PGR: variants seen among roughly 807,000 people sequenced by gnomAD.
PGR encodes the protein nuclear receptor subfamily 3 group C member 3.
PGR carries 25 observed loss-of-function variants against 76.1 expected under a neutral mutation model. The ratio of observed to expected loss-of-function variants is 0.33; its 90% CI spans 0.24 to 0.46. PGR has a LOEUF of 0.46. Among genes scored for constraint, PGR ranks in the 20% least tolerant of loss-of-function variants. The pLI is 1.00. For missense variants in PGR, 1,172 were observed against 1,225.3 expected, an observed-to-expected ratio of 0.96 and a Z score of 0.65; for synonymous variants, 579 against 535.0, an observed-to-expected ratio of 1.08 and a Z score of -1.14.
chr11:101,076,331 A>AG (rs1020936353), intron 3 of PGR, among the ~76,000 whole-genome samples: 38 of 151,926 alleles, frequency 2.5e-4, no homozygotes, highest in Non-Finnish European at 4.9e-4. Context: ...TGGGGGGCTA[A>AG]GGGAGGGATA....
rs1591361636 is a variant in PGR at position 101,035,695 on chromosome 11, C to T, written c.*3421G>A. ...ATGTCTACAATGGAAGAGTGATAGG[C>T]TCTTTAGAACTTTGATAAAACAGGC... On this transcript the variant is annotated 3_prime_UTR_variant, in exon 8 of 8. Transcript: ENST00000325455. 1 of 230,184 alleles carries T rather than the reference C, an allele frequency of 4.3e-6. No homozygotes were observed. Among genetic ancestry groups the T allele is most frequent in the Non-Finnish European group, 8.6e-6 (1 of 116,280 alleles). 14.3% of individuals were successfully genotyped at this position (230,184 alleles called of 1,614,324 possible). A position where few individuals can be genotyped will look rare whatever the true frequency, so the allele number is the denominator to read the frequency against.
intron 2 of PGR, among the ~76,000 whole-genome samples, chr11:101,108,648 T>C (rs894422328): frequency 6.6e-6 from 1 of 152,188 alleles, no homozygotes; most frequent in African/African-American, 2.4e-5. Context: ...CTGCCAGAAC[T>C]GGGTTTGGTT....
chr11:101,068,800 A>T (rs1860815130), intron 3 of PGR, among the ~76,000 whole-genome samples: 1 of 152,192 alleles, frequency 6.6e-6, no homozygotes, highest in Non-Finnish European at 1.5e-5. Flanking sequence ...GGTGTTGGGG[A>T]AACTGGCTAG....
rs1859509011 is a variant in PGR at position 101,036,157 on chromosome 11, T to C, written c.*2959A>G. ...TCTGTGGATAATTTAAGTTACAGGT[T>C]GACATTCCATGGCTACTTACAAGGC... is the stretch of plus-strand genomic sequence containing the variant. On this transcript the variant is annotated 3_prime_UTR_variant, in exon 8 of 8. Transcript: ENST00000325455. 4.5e-6 allele frequency: 1 copy of C among 220,032 alleles called. No individual in the cohort carries two copies. The highest frequency in any genetic ancestry group is 6.7e-5 in the East Asian group (1 of 14,934). The allele number at this position is 220,032 out of a possible 1,614,324, so 13.6% of individuals were successfully genotyped here. A position where few individuals can be genotyped will look rare whatever the true frequency, so the allele number is the denominator to read the frequency against.
intron 4 of PGR, among the ~76,000 whole-genome samples, chr11:101,061,255 T>C (rs1207261430): frequency 6.6e-6 from 1 of 152,188 alleles, no homozygotes; most frequent in East Asian, 1.9e-4. Flanking sequence ...CAAAAAATTA[T>C]TGTCTGTTTA....
chr11:101,062,675 C>T lies in PGR; in HGVS notation c.1984G>A (p.Val662Ile), dbSNP rs150584881. The stretch of plus-strand genomic sequence containing the variant: ...CTTAGGGCTTGGCTTTCATTTGGAA[C>T]GCCCACTGGCTGTGGGAGAGCAACA... ...DAVALPQPVG[V>I]PNESQALSQR... Residue 662 changes from valine to isoleucine, a missense_variant, in exon 4 of 8, where the codon GTT becomes ATT. Val to Ile is a conservative substitution (Grantham distance 29). Around this residue, in one of 4 missense-constraint regions of PGR, gnomAD observed 73 missense variants for 60.7 expected, o/e 1.20. Coordinates refer to ENST00000325455, the MANE Select transcript of PGR (RefSeq NM_000926.4). 127 of 1,613,834 alleles carry T rather than the reference C, an allele frequency of 7.9e-5. 1 individual carries two copies. Among genetic ancestry groups the T allele is most frequent in the East Asian group, 3.1e-4 (14 of 44,856 alleles).
chr11:101,077,261 G>A (rs368296236), intron 3 of PGR, among the ~76,000 whole-genome samples: 208 of 152,104 alleles, frequency 1.4e-3, no homozygotes, highest in African/African-American at 4.8e-3. Flanking sequence ...AAATGATAAT[G>A]ACCACTGCGC....
intron 2 of PGR, among the ~76,000 whole-genome samples, chr11:101,112,401 G>T (rs1241449136): frequency 1.3e-5 from 2 of 152,148 alleles, no homozygotes; most frequent in African/African-American, 4.8e-5. Context: ...TGAGTCAGCA[G>T]GAGTAATCTG....
At chr11:101,091,626 T>C (rs1861676394) in intron 3 of PGR, 134 bp downstream of exon 3, 1 of 686,848 alleles carries the variant, frequency 1.5e-6, no homozygotes, top group Non-Finnish European at 2.7e-6. Context: ...GACACTCACA[T>C]GTGCAGAGTC....
chr11:101,085,952 T>C (rs1050232295), intron 3 of PGR, among the ~76,000 whole-genome samples: 1 of 152,002 alleles, frequency 6.6e-6, no homozygotes, highest in Non-Finnish European at 1.5e-5. Context: ...GAATTAGTAA[T>C]AAAAAACTTA....
chr11:101,056,598 C>T (rs918803940), intron 4 of PGR, among the ~76,000 whole-genome samples: 6 of 148,088 alleles, frequency 4.1e-5, no homozygotes, highest in African/African-American at 7.5e-5. Context: ...TACAATCATG[C>T]CACTGCACTC....
chr11:101,107,504 CACATT>C (rs1235821250), intron 2 of PGR, among the ~76,000 whole-genome samples: 1 of 152,156 alleles, frequency 6.6e-6, no homozygotes, highest in Non-Finnish European at 1.5e-5. Flanking sequence ...TAAGGAACTA[CACATT>C]ACATGCAAAA....
At chr11:101,055,081 T>C (rs1423514705) in intron 4 of PGR, among the ~76,000 whole-genome samples, 3 of 152,136 alleles carry the variant, frequency 2.0e-5, no homozygotes, top group Admixed American at 6.5e-5. Context: ...ATATATTTTA[T>C]GTGTGTTGTT....
Position 101,056,511 on chromosome 11 carries a change from G to T in PGR, c.2213-4943C>A, listed in dbSNP as rs562926201. Among the ~76,000 whole-genome samples, 82 of 152,012 alleles carry T rather than the reference G, an allele frequency of 5.4e-4. No individual in the cohort carries two copies. The Middle Eastern group carries it at 0.031, about 57-fold the overall frequency. On this transcript the variant is annotated intron_variant, in intron 4 of 7. Coordinates refer to ENST00000325455, the MANE Select transcript of PGR (RefSeq NM_000926.4). ...AGGTGTGGTGGTGCACACCTGTAGT[G>T]CTGGGGAGGCTGAAGTTACTGGGGA...
At chr11:101,065,689 C>T (rs549261657) in intron 3 of PGR, among the ~76,000 whole-genome samples, 1 of 152,182 alleles carries the variant, frequency 6.6e-6, no homozygotes, top group Admixed American at 6.5e-5. Flanking sequence ...AGTGGTCCCC[C>T]ACTCCCCTGC....
At chr11:101,044,961 C>T (rs898078524) in intron 6 of PGR, among the ~76,000 whole-genome samples, 2 of 152,040 alleles carry the variant, frequency 1.3e-5, no homozygotes, top group African/African-American at 4.8e-5. Flanking sequence ...CCCACCTCAG[C>T]TTCCCAAAGT....
chr11:101,046,289 C>G (rs1357760927), intron 6 of PGR, among the ~76,000 whole-genome samples: 3 of 107,484 alleles, frequency 2.8e-5, no homozygotes, highest in East Asian at 2.5e-4. Context: ...CTACGCCTGG[C>G]TAATTTTTTT....
intron 3 of PGR, among the ~76,000 whole-genome samples, chr11:101,071,771 TTAGAGAA>T (rs1256741467): frequency 6.6e-6 from 1 of 151,342 alleles, no homozygotes; most frequent in Admixed American, 6.6e-5. Flanking sequence ...GAATACAAGA[TTAGAGAA>T]TAAAGAATGA....
chr11:101,045,030 T>C (rs1859820639), intron 6 of PGR, among the ~76,000 whole-genome samples: 1 of 152,074 alleles, frequency 6.6e-6, no homozygotes, highest in African/African-American at 2.4e-5. Context: ...AATATTGTTG[T>C]ATCTCAGGGA....
Sources: allele counts gnomAD v4.1 joint callset (sites outside exome capture counted in the v4.1 genomes callset), GRCh38; gene constraint gnomAD v4.1.1; regional missense constraint gnomAD v4.1.1; transcripts MANE v1.5; gene names NCBI Gene and HGNC (gene_info 2026-07-23, HGNC 2026-07-21).